The following ATR variants were observed in gnomAD, a reference collection of about 807,000 sequenced individuals.
ATR encodes serine/threonine-protein kinase ATR.
A neutral mutation model predicts 305.3 loss-of-function variants in ATR; 142 were observed. That is an observed-to-expected ratio of 0.47 (90% confidence interval 0.41 to 0.53). ATR has a LOEUF of 0.53. ATR is among the 20% of genes least tolerant of loss of function. The pLI is 0.00. For synonymous variants in ATR, 1,050 were observed against 1,068.1 expected (o/e 0.98, Z 0.33); for missense variants, 2,135 against 3,133.1 (o/e 0.68, Z 7.60).
intron 18 of ATR, 145 bp from the exon 19 acceptor site, chr3:142,538,770 A>G (rs957994044): frequency 2.1e-5 from 22 of 1,053,586 alleles, no homozygotes; most frequent in African/African-American, 3.2e-5. Flanking sequence ...GATCAGTGCT[A>G]TATATTCAAA....
intron 28 of ATR, among the ~76,000 whole-genome samples, chr3:142,506,801 A>G (rs2032264013): frequency 6.6e-6 from 1 of 152,256 alleles, no homozygotes; most frequent in Non-Finnish European, 1.5e-5. Context: ...AGCTGGAAGC[A>G]GGGAAACAAA....
intron 36 of ATR, 71 bp from the exon 37 acceptor site, chr3:142,470,254 A>G: frequency 7.8e-7 from 1 of 1,286,206 alleles, no homozygotes. Context: ...TAAAATTTAA[A>G]GATTCAAACT....
chr3:142,561,617 A>G (rs1221610230), intron 4 of ATR, among the ~76,000 whole-genome samples, 196 bp from the exon 5 acceptor site: 1 of 152,158 alleles, frequency 6.6e-6, no homozygotes, highest in African/African-American at 2.4e-5. Flanking sequence ...TAGTCTTAGA[A>G]GGTTTAAACA....
chr3:142,449,258 C>A lies in ATR; in HGVS notation c.*171G>T, dbSNP rs1489886111. 1.6e-6 allele frequency: 1 copy of A among 623,332 alleles called. No homozygotes were observed. Among genetic ancestry groups the A allele is most frequent in the African/African-American group, 1.8e-5 (1 of 54,388 alleles). The allele number at this position is 623,332 out of a possible 1,614,324, so 38.6% of individuals were successfully genotyped here. A position where few individuals can be genotyped will look rare whatever the true frequency, so the allele number is the denominator to read the frequency against. ...TATGTATTAAGAAAGCAGTTTATTT[C>A]TTAATAACTGAATGTATATTATTTT... is the stretch of plus-strand genomic sequence containing the variant. On this transcript the variant is annotated 3_prime_UTR_variant, in exon 47 of 47. Transcript: ENST00000350721.
intron 46 of ATR, chr3:142,450,105 G>A (rs914660110): frequency 1.2e-4 from 37 of 320,040 alleles, no homozygotes; most frequent in Non-Finnish European, 2.1e-4. Context: ...GTGGGCTGGT[G>A]GGCTGCGCTG....
chr3:142,479,857 C>T (rs1048424942), intron 36 of ATR, among the ~76,000 whole-genome samples: 15 of 152,158 alleles, frequency 9.9e-5, no homozygotes, highest in African/African-American at 3.6e-4. Flanking sequence ...TCACTGATAC[C>T]CTTTCTTCCA....
intron 34 of ATR, among the ~76,000 whole-genome samples, chr3:142,494,729 G>T (rs1206183219): frequency 6.6e-6 from 1 of 152,172 alleles, no homozygotes; most frequent in East Asian, 1.9e-4. Context: ...AGTAGGCCAG[G>T]ACTTGATCAG....
At chr3:142,473,945 T>TC (rs910017863) in intron 36 of ATR, among the ~76,000 whole-genome samples, 3 of 141,710 alleles carry the variant, frequency 2.1e-5, no homozygotes, top group African/African-American at 8.2e-5. Flanking sequence ...TATTGGATTT[T>TC]TTTTTTTTTT....
At chr3:142,573,953 A>G (rs1452944256) in intron 1 of ATR, among the ~76,000 whole-genome samples, 1 of 152,236 alleles carries the variant, frequency 6.6e-6, no homozygotes, top group Non-Finnish European at 1.5e-5. Context: ...CAAAGTCAGG[A>G]GACATTATGA....
intron 45 of ATR, 102 bp from the exon 46 acceptor site, chr3:142,453,335 C>T (rs905104763): frequency 7.4e-7 from 1 of 1,347,014 alleles, no homozygotes; most frequent in Admixed American, 2.0e-5. Flanking sequence ...TGGTAATACT[C>T]TTATAATACA....
chr3:142,552,697 T>C (rs1479630106), intron 13 of ATR, among the ~76,000 whole-genome samples: 1 of 141,738 alleles, frequency 7.1e-6, no homozygotes, highest in Non-Finnish European at 1.5e-5. Context: ...AGCAAAGTCA[T>C]GGAGTTAACC....
At chr3:142,465,489 A>C (rs2071107950) in intron 40 of ATR, 1 of 238,718 alleles carries the variant, frequency 4.2e-6, no homozygotes, top group Non-Finnish European at 8.0e-6. Flanking sequence ...CATCGCCAAT[A>C]CAAGTACTTA....
chr3:142,561,636 T>C (rs889750860), intron 4 of ATR, among the ~76,000 whole-genome samples: 28 of 152,312 alleles, frequency 1.8e-4, no homozygotes, highest in African/African-American at 6.7e-4. Flanking sequence ...CAAATCCTTC[T>C]CTCTACATCC....
chr3:142,496,316 A>ATATG (rs2031625612), intron 34 of ATR, 45 bp downstream of exon 34: 1 of 212,984 alleles, frequency 4.7e-6, no homozygotes, highest in Non-Finnish European at 8.2e-6. Context: ...ATATATATAT[A>ATATG]TATATATATA....
rs765405340 is a variant in ATR, at chr3:142,555,910, G to A, written c.2308C>T (p.Leu770=). 2.8e-5 allele frequency: 45 copies of A among 1,599,902 alleles called. No individual in the cohort carries two copies. The highest frequency in any genetic ancestry group is 3.7e-5 in the Non-Finnish European group (43 of 1,176,112). Residue 770 remains leucine, a synonymous_variant, in exon 10 of 47, where the codon CTG becomes TTG. Coordinates refer to ENST00000350721, the MANE Select transcript of ATR (RefSeq NM_001184.4). ...ASVCKPFLFL[L]KKKIPSPVKL... is the part of the protein sequence containing the mutation. ...ACTGGACTAGGTATTTTTTTTTTCA[G>A]TAGGAAAAGGAATGGCTTGCAGACA...
At position 142,503,453 on chromosome 3, in the gene ATR, T is replaced by C; in HGVS notation, c.5197A>G (p.Ile1733Val). 1.3e-6 allele frequency: 2 copies of C among 1,573,846 alleles called. No homozygotes were observed. Among genetic ancestry groups the C allele is most frequent in the Non-Finnish European group, 1.7e-6 (2 of 1,146,792 alleles). ...TTTACTACACCATGATAATGAATGA[T>C]CTAGAAATTTAAAAATATTTAAAAT... is the stretch of plus-strand genomic sequence containing the variant. The part of the protein sequence containing the change: ...DRAIQLEPDQ[I>V]IHYHGVVKSM... Residue 1733 changes from isoleucine to valine, a missense_variant and splice_region_variant, in exon 30 of 47, where the codon ATC becomes GTC. By Grantham distance (29) the Ile-to-Val change is conservative (BLOSUM62 3). This residue lies in a region of ATR where 117 missense variants were observed against 198.3 expected (regional missense o/e 0.59). Transcript: ENST00000350721.
At chr3:142,530,543 C>T (rs1047375586) in intron 21 of ATR, among the ~76,000 whole-genome samples, 1 of 152,182 alleles carries the variant, frequency 6.6e-6, no homozygotes, top group African/African-American at 2.4e-5. Flanking sequence ...CTGCAGTAAG[C>T]ATTCTGTAGT....
At chr3:142,565,195 T>A (rs1195298305) in intron 3 of ATR, among the ~76,000 whole-genome samples, 2 of 152,078 alleles carry the variant, frequency 1.3e-5, no homozygotes, top group East Asian at 1.9e-4. Flanking sequence ...TTTAATAGCC[T>A]CTATGATAGA....
In ATR at chr3:142,566,117, T is replaced by C. The variant is rs1391749084; in HGVS notation, c.292+4A>G. The C allele has an allele frequency of 6.2e-7, 1 of 1,614,128 alleles. No homozygotes were observed. The highest frequency in any genetic ancestry group is 1.1e-5 in the South Asian group (1 of 91,084). The stretch of plus-strand genomic sequence containing the variant: ...CAAGTGAATGCATGAATAACAGCAC[T>C]TACCAATACAACTGCCTTTGGCCTC... On this transcript the variant is annotated splice_donor_region_variant and intron_variant, in intron 3 of 46. Coordinates refer to ENST00000350721, the MANE Select transcript of ATR (RefSeq NM_001184.4).
Sources: gnomAD v4.1 joint callset for allele counts (sites outside exome capture counted in the v4.1 genomes callset) on GRCh38, gnomAD v4.1.1 for gene constraint, gnomAD v4.1.1 regional missense constraint, MANE v1.5 for transcripts, NCBI Gene and HGNC (gene_info 2026-07-23, HGNC 2026-07-21) for gene names.